RPP25L: variants seen among roughly 807,000 people sequenced by gnomAD.
RPP25L encodes ribonuclease P/MRP subunit p25 like.
Under a neutral mutation model 10.1 loss-of-function variants are expected in RPP25L, and 5 were observed. The observed-to-expected ratio is 0.50, with a 90% CI of 0.26 to 1.04. The LOEUF (loss-of-function observed/expected upper bound fraction) is 1.04. Ranked by LOEUF, RPP25L falls within the 50% of genes least tolerant of loss-of-function variation. The pLI, the probability that RPP25L is intolerant of heterozygous loss-of-function variation, is 0.14. For synonymous variants in RPP25L, 96 were observed against 88.6 expected, an observed-to-expected ratio of 1.08 and a Z score of -0.47; for missense variants, 192 against 217.3, an observed-to-expected ratio of 0.88 and a Z score of 0.73.
rs1820295109 is a variant in RPP25L at position 34,611,096 on chromosome 9, A to G, written c.201T>C (p.Ala67=). The G allele has an allele frequency of 1.2e-6, 2 of 1,614,002 alleles. No homozygotes were observed. Among genetic ancestry groups the G allele is most frequent in the Admixed American group, 3.3e-5 (2 of 60,002 alleles). The change falls in exon 2 of 2, where the codon GCT becomes GCC. Residue 67 remains alanine, a synonymous_variant. Transcript: ENST00000378959. The surrounding 1 kb of genome is among the most constrained non-coding windows in gnomAD (Gnocchi z 4.4). ...GCTTGACAATCTCAGCGCAGCTGACAGCCTTTCCTGCAGCCCTGCCAGAAC... is the reference window on the plus strand; with the variant it reads ...GCTTGACAATCTCAGCGCAGCTGACGGCCTTTCCTGCAGCCCTGCCAGAAC... ...FSGSGRAAGK[A]VSCAEIVKRR... is the part of the protein sequence containing the mutation.
Position 34,610,596 on chromosome 9 carries a change from G to C in RPP25L, c.*209C>G. 1.8e-6 allele frequency: 1 copy of C among 543,700 alleles called. No individual in the cohort carries two copies. Among genetic ancestry groups the C allele is most frequent in the South Asian group, 3.2e-5 (1 of 31,218 alleles). 33.7% of individuals were successfully genotyped at this position (543,700 alleles called of 1,614,324 possible). A position where few individuals can be genotyped will look rare whatever the true frequency, so the allele number is the denominator to read the frequency against. On this transcript the variant is annotated 3_prime_UTR_variant, in exon 2 of 2. Transcript: ENST00000378959. The stretch of plus-strand genomic sequence containing the variant: ...AGAAGGCAGAGGAAGCCCTTATTTA[G>C]CAATGCAGAACTTGGCAGAGGCCCC...
chr9:34,610,991 G>A lies in RPP25L; in HGVS notation c.306C>T (p.Asp102=). The stretch of plus-strand genomic sequence containing the variant: ...GCACTGTGAGGGGGTCTAGCCCTGT[G>A]TCAGGTGAGGCTGGGACCCAGCTGT... The part of the protein sequence containing the change: ...TEDSWVPASP[D]TGLDPLTVRR... The change falls in exon 2 of 2, where the codon GAC becomes GAT. Residue 102 remains aspartate (D), a synonymous_variant. Transcript: ENST00000378959. 6.2e-7 allele frequency: 1 copy of A among 1,614,030 alleles called. No homozygotes were observed. Among genetic ancestry groups the A allele is most frequent in the Non-Finnish European group, 8.5e-7 (1 of 1,180,014 alleles).
Position 34,610,701 on chromosome 9 carries a change from G to A in RPP25L, c.*104C>T. The A allele has an allele frequency of 7.6e-7, 1 of 1,310,902 alleles. No individual in the cohort carries two copies. Among genetic ancestry groups the A allele is most frequent in the Non-Finnish European group, 1.0e-6 (1 of 966,060 alleles). 81.2% of individuals were successfully genotyped at this position (1,310,902 alleles called of 1,614,324 possible). On this transcript the variant is annotated 3_prime_UTR_variant, in exon 2 of 2. Coordinates refer to ENST00000378959, the MANE Select transcript of RPP25L (RefSeq NM_148178.3). ...CATGATAGGGAGGTCCACTTTTGTG[G>A]ACTCAAACCTTGATGGGGATGTTGA...
Position 34,611,478 on chromosome 9 carries a change from A to G in RPP25L, c.-36-146T>C. ...GTCCCCTTGTCCTTAGCATCTCGTG[A>G]CAAGGTCCATGCCTGCCGCAGTCTG... On this transcript the variant is annotated intron_variant, in intron 1 of 1. Transcript: ENST00000378959. The surrounding 1 kb of genome is among the most constrained non-coding windows in gnomAD (Gnocchi z 4.4). 1.5e-6 allele frequency: 1 copy of G among 685,242 alleles called. No individual in the cohort carries two copies. Among genetic ancestry groups the G allele is most frequent in the Non-Finnish European group, 2.4e-6 (1 of 412,166 alleles). The allele number at this position is 685,242 out of a possible 1,614,324, so 42.4% of individuals were successfully genotyped here.
chr9:34,610,935 A>C lies in RPP25L; in HGVS notation c.362T>G (p.Leu121Arg). The C allele has an allele frequency of 6.2e-7, 1 of 1,613,438 alleles. No individual in the cohort carries two copies. The highest frequency in any genetic ancestry group is 8.5e-7 in the Non-Finnish European group (1 of 1,179,804). ...ATTGGGGTCCAGGGGGTCCCGGCTG[A>C]GCAGCACCCACACTGCAGGCACATG... ...RRHVPAVWVL[L>R]SRDPLDPNEC... Residue 121 changes from leucine (L) to arginine (R), a missense_variant, in exon 2 of 2, where the codon CTC becomes CGC. Leu to Arg is a moderately radical substitution (Grantham distance 102, BLOSUM62 -2). Transcript: ENST00000378959.
chr9:34,611,617 G>T lies in RPP25L; in HGVS notation c.-36-285C>A, dbSNP rs1820303267. 6.6e-6 allele frequency among the ~76,000 whole-genome samples: 1 copy of T among 152,196 alleles called. No individual in the cohort carries two copies. The highest frequency in any genetic ancestry group is 2.4e-5 in the African/African-American group (1 of 41,440). On this transcript the variant is annotated intron_variant, in intron 1 of 1. Transcript: ENST00000378959. This position sits in a 1 kb window ranked among gnomAD's most constrained non-coding sequence, Gnocchi z 4.4. ...ATTCCCCAAACACTGAGCTCTTTGG[G>T]AAAGTGCCAGGCCCCCTCATCCTAA...
rs568252323 is a variant in RPP25L, at chr9:34,611,496, G to A, written c.-36-164C>T. Reference sequence around the variant, plus strand: ...TCTCGTGACAAGGTCCATGCCTGCCGCAGTCTGGGAAAGGGCTGTACCCCA... The same window carrying A: ...TCTCGTGACAAGGTCCATGCCTGCCACAGTCTGGGAAAGGGCTGTACCCCA... On this transcript the variant is annotated intron_variant, in intron 1 of 1. Coordinates refer to ENST00000378959, the MANE Select transcript of RPP25L (RefSeq NM_148178.3). This position sits in a 1 kb window ranked among gnomAD's most constrained non-coding sequence, Gnocchi z 4.4. Among the ~76,000 whole-genome samples the A allele has an allele frequency of 6.6e-6, 1 of 152,172 alleles. No homozygotes were observed. The highest frequency in any genetic ancestry group is 1.9e-4 in the East Asian group (1 of 5,178).
Position 34,610,568 on chromosome 9 carries a change from G to A in RPP25L, c.*237C>T. 1 of 483,274 alleles carries A rather than the reference G, an allele frequency of 2.1e-6. No homozygotes were observed. The highest frequency in any genetic ancestry group is 3.6e-6 in the Non-Finnish European group (1 of 275,710). The allele number at this position is 483,274 out of a possible 1,614,324, so 29.9% of individuals were successfully genotyped here. A position where few individuals can be genotyped will look rare whatever the true frequency, so the allele number is the denominator to read the frequency against. On this transcript the variant is annotated 3_prime_UTR_variant, in exon 2 of 2. Transcript: ENST00000378959. ...CAGAAGGCAGTTCAAATGCACTGTA[G>A]GTAGAAGGCAGAGGAAGCCCTTATT...
At position 34,611,433 on chromosome 9, in the gene RPP25L, C is replaced by T; in HGVS notation, c.-36-101G>A. ...ATATGGCCCTGCTCCCCGTTCCAGA[C>T]TTCCCAGAAACAGGATCATGTCCCC... On this transcript the variant is annotated intron_variant, in intron 1 of 1. Transcript: ENST00000378959. This position sits in a 1 kb window ranked among gnomAD's most constrained non-coding sequence, Gnocchi z 4.4. The T allele has an allele frequency of 1.1e-6, 1 of 915,900 alleles. No individual in the cohort carries two copies. Among genetic ancestry groups the T allele is most frequent in the Admixed American group, 2.7e-5 (1 of 36,744 alleles). 56.7% of individuals were successfully genotyped at this position (915,900 alleles called of 1,614,324 possible). A position where few individuals can be genotyped will look rare whatever the true frequency, so the allele number is the denominator to read the frequency against.
Position 34,610,951 on chromosome 9 carries a change from C to A in RPP25L, c.346G>T (p.Ala116Ser). 6.2e-7 allele frequency: 1 copy of A among 1,613,822 alleles called. No homozygotes were observed. The highest frequency in any genetic ancestry group is 1.1e-5 in the South Asian group (1 of 91,080). The stretch of plus-strand genomic sequence containing the variant: ...TCCCGGCTGAGCAGCACCCACACTG[C>A]AGGCACATGGCGGCGCACTGTGAGG... ...DPLTVRRHVPAVWVLLSRDPL... is the reference protein window; with the variant it reads ...DPLTVRRHVPSVWVLLSRDPL... Residue 116 changes from alanine (A) to serine (S), a missense_variant, in exon 2 of 2, where the codon GCA (alanine) becomes TCA (serine). Coordinates refer to ENST00000378959, the MANE Select transcript of RPP25L (RefSeq NM_148178.3).
At position 34,610,586 on chromosome 9, in the gene RPP25L, C is replaced by G. The variant is rs1820285896; in HGVS notation, c.*219G>C. 1 of 518,358 alleles carries G rather than the reference C, an allele frequency of 1.9e-6. No homozygotes were observed. 32.1% of individuals were successfully genotyped at this position (518,358 alleles called of 1,614,324 possible). A position where few individuals can be genotyped will look rare whatever the true frequency, so the allele number is the denominator to read the frequency against. On this transcript the variant is annotated 3_prime_UTR_variant, in exon 2 of 2. Transcript: ENST00000378959. ...CACTGTAGGTAGAAGGCAGAGGAAG[C>G]CCTTATTTAGCAATGCAGAACTTGG...
At position 34,610,778 on chromosome 9, in the gene RPP25L, C is replaced by G; in HGVS notation, c.*27G>C. On this transcript the variant is annotated 3_prime_UTR_variant, in exon 2 of 2. Transcript: ENST00000378959. ...CACAAGCACCCCAGACATTCAGGCC[C>G]GGAGAACAGGCTGGCTCAGCAGGTC... 6.6e-7 allele frequency: 1 copy of G among 1,512,536 alleles called. No individual in the cohort carries two copies. Among genetic ancestry groups the G allele is most frequent in the Non-Finnish European group, 8.8e-7 (1 of 1,131,526 alleles). The allele number at this position is 1,512,536 out of a possible 1,614,324, so 93.7% of individuals were successfully genotyped here. A position where few individuals can be genotyped will look rare whatever the true frequency, so the allele number is the denominator to read the frequency against.
chr9:34,611,365 T>C lies in RPP25L; in HGVS notation c.-36-33A>G. The C allele has an allele frequency of 2.6e-6, 4 of 1,533,194 alleles. No homozygotes were observed. Among genetic ancestry groups the C allele is most frequent in the Non-Finnish European group, 3.5e-6 (4 of 1,131,810 alleles). The allele number at this position is 1,533,194 out of a possible 1,614,324, so 95.0% of individuals were successfully genotyped here. ...GAAGCATCAGGTAAGTGCTAAGCAA[T>C]GTGCCCCAAGTCACTGTCCACCATC... On this transcript the variant is annotated intron_variant, in intron 1 of 1. Coordinates refer to ENST00000378959, the MANE Select transcript of RPP25L (RefSeq NM_148178.3). The surrounding 1 kb of genome is among the most constrained non-coding windows in gnomAD (Gnocchi z 4.4).
rs201414818 is a variant in RPP25L at position 34,610,779 on chromosome 9, G to A, written c.*26C>T. 8.6e-6 allele frequency: 13 copies of A among 1,511,948 alleles called. No individual in the cohort carries two copies. The highest frequency in any genetic ancestry group is 1.4e-5 in the African/African-American group (1 of 71,622). 93.7% of individuals were successfully genotyped at this position (1,511,948 alleles called of 1,614,324 possible). On this transcript the variant is annotated 3_prime_UTR_variant, in exon 2 of 2. Coordinates refer to ENST00000378959, the MANE Select transcript of RPP25L (RefSeq NM_148178.3). ...ACAAGCACCCCAGACATTCAGGCCC[G>A]GAGAACAGGCTGGCTCAGCAGGTCT... is the stretch of plus-strand genomic sequence containing the variant.
chr9:34,610,628 G>A lies in RPP25L; in HGVS notation c.*177C>T. On this transcript the variant is annotated 3_prime_UTR_variant, in exon 2 of 2. Coordinates refer to ENST00000378959, the MANE Select transcript of RPP25L (RefSeq NM_148178.3). ...AGAACTTGGCAGAGGCCCCACATCT[G>A]TCATTCTTCACAGCAGTCCCTTCCC... 1 of 685,944 alleles carries A rather than the reference G, an allele frequency of 1.5e-6. No individual in the cohort carries two copies. Among genetic ancestry groups the A allele is most frequent in the Non-Finnish European group, 2.4e-6 (1 of 420,468 alleles). The allele number at this position is 685,944 out of a possible 1,614,324, so 42.5% of individuals were successfully genotyped here.
chr9:34,611,403 C>A lies in RPP25L; in HGVS notation c.-36-71G>T. On this transcript the variant is annotated intron_variant, in intron 1 of 1. Coordinates refer to ENST00000378959, the MANE Select transcript of RPP25L (RefSeq NM_148178.3). This position sits in a 1 kb window ranked among gnomAD's most constrained non-coding sequence, Gnocchi z 4.4. The stretch of plus-strand genomic sequence containing the variant: ...ACTGTCCACCATCCCCTATCTCCAT[C>A]CAGGATATGGCCCTGCTCCCCGTTC... 8.2e-7 allele frequency: 1 copy of A among 1,223,622 alleles called. No individual in the cohort carries two copies. Among genetic ancestry groups the A allele is most frequent in the East Asian group, 2.5e-5 (1 of 40,326 alleles). The allele number at this position is 1,223,622 out of a possible 1,614,324, so 75.8% of individuals were successfully genotyped here.
rs957528119 is a variant in RPP25L, at chr9:34,611,298, C to T, written c.-2G>A. The T allele has an allele frequency of 6.2e-7, 1 of 1,611,308 alleles. No homozygotes were observed. The highest frequency in any genetic ancestry group is 1.3e-5 in the African/African-American group (1 of 74,872). ...GCCAGCTTTCCGGTAGTGCTCCATC[C>T]TGCTTGCTGTCTTGTCTGTGACTCT... On this transcript the variant is annotated 5_prime_UTR_variant, in exon 2 of 2. Transcript: ENST00000378959. This position sits in a 1 kb window ranked among gnomAD's most constrained non-coding sequence, Gnocchi z 4.4.
Position 34,610,679 on chromosome 9 carries a change from G to T in RPP25L, c.*126C>A. On this transcript the variant is annotated 3_prime_UTR_variant, in exon 2 of 2. Coordinates refer to ENST00000378959, the MANE Select transcript of RPP25L (RefSeq NM_148178.3). Reference sequence around the variant, plus strand: ...ACATGCTAGAGGGAAGGGGAAGCATGATAGGGAGGTCCACTTTTGTGGACT... The same window carrying T: ...ACATGCTAGAGGGAAGGGGAAGCATTATAGGGAGGTCCACTTTTGTGGACT... 1 of 1,035,794 alleles carries T rather than the reference G, an allele frequency of 9.7e-7. No homozygotes were observed. Among genetic ancestry groups the T allele is most frequent in the Non-Finnish European group, 1.4e-6 (1 of 717,934 alleles). The allele number at this position is 1,035,794 out of a possible 1,614,324, so 64.2% of individuals were successfully genotyped here.
In RPP25L at chr9:34,611,544, G is replaced by A. The variant is rs903151722; in HGVS notation, c.-36-212C>T. Among the ~76,000 whole-genome samples, 3 of 152,096 alleles carry A rather than the reference G, an allele frequency of 2.0e-5. No homozygotes were observed. Among genetic ancestry groups the A allele is most frequent in the African/African-American group, 7.2e-5 (3 of 41,418 alleles). ...CCATACACCCCGTTCCTCTACAAGG[G>A]CCATAACACCCCCACCTCCAATCCT... is the stretch of plus-strand genomic sequence containing the variant. On this transcript the variant is annotated intron_variant, in intron 1 of 1. Coordinates refer to ENST00000378959, the MANE Select transcript of RPP25L (RefSeq NM_148178.3). The surrounding 1 kb of genome is among the most constrained non-coding windows in gnomAD (Gnocchi z 4.4).
Sources: gnomAD v4.1 joint callset for allele counts (sites outside exome capture counted in the v4.1 genomes callset) on GRCh38, gnomAD v4.1.1 for gene constraint, Gnocchi (gnomAD v3.1) non-coding constraint, MANE v1.5 for transcripts, NCBI Gene and HGNC (gene_info 2026-07-23, HGNC 2026-07-21) for gene names.